The following PLD1 variants were observed in gnomAD, a reference collection of about 807,000 sequenced individuals.
The protein encoded by PLD1 is phospholipase D1.
In PLD1, 112 loss-of-function variants were observed where a neutral mutation model predicts 137.1. That is an observed-to-expected ratio of 0.82 (90% confidence interval 0.70 to 0.96). The LOEUF is 0.96. Among genes scored for constraint, PLD1 ranks in the 40% least tolerant of loss-of-function variants. The pLI is 0.00. For missense variants in PLD1, 1,321 were observed against 1,342.0 expected (o/e 0.98, Z 0.24); for synonymous variants, 431 against 454.7 (o/e 0.95, Z 0.66).
chr3:171,690,412 C>T (rs927432320), intron 13 of PLD1, among the ~76,000 whole-genome samples: 6 of 151,944 alleles, frequency 3.9e-5, no homozygotes, highest in African/African-American at 1.5e-4. Flanking sequence ...TGAGTTTGTT[C>T]TTCTTTTTCT....
At chr3:171,674,646 T>A in intron 18 of PLD1, 33 bp from the exon 19 acceptor site, 1 of 1,220,558 alleles carries the variant, frequency 8.2e-7, no homozygotes, top group East Asian at 2.4e-5. Flanking sequence ...AATATTCAAA[T>A]GAGAAAAAAG....
At chr3:171,802,069 A>G (rs1172858190) in intron 1 of PLD1, among the ~76,000 whole-genome samples, 1 of 152,236 alleles carries the variant, frequency 6.6e-6, no homozygotes, top group Non-Finnish European at 1.5e-5. Context: ...AAACAGCAAC[A>G]TCTGTGAGGT....
chr3:171,752,219 T>G (rs1216599515), intron 1 of PLD1, among the ~76,000 whole-genome samples: 1 of 152,208 alleles, frequency 6.6e-6, no homozygotes, highest in Non-Finnish European at 1.5e-5. Context: ...AGAACAATCC[T>G]GTTAGGTTGT....
rs539570105 is a variant in PLD1, at chr3:171,721,762, C to A, written c.758+2934G>T. 2.8e-4 allele frequency among the ~76,000 whole-genome samples: 42 copies of A among 151,310 alleles called. No homozygotes were observed. In the South Asian group the frequency reaches 8.6e-3, roughly 31 times the overall value. ...TATTTTAGTAAAACTTCTCTCCCAG[C>A]GACAGATCAAGACTCCATCTCAGAA... On this transcript the variant is annotated intron_variant, in intron 8 of 26. Transcript: ENST00000351298.
intron 11 of PLD1, among the ~76,000 whole-genome samples, chr3:171,705,771 T>C (rs933321773): frequency 2.0e-5 from 3 of 152,152 alleles, no homozygotes; most frequent in South Asian, 2.1e-4. Flanking sequence ...TGGTACAACT[T>C]TGGAAAACAC....
chr3:171,692,288 T>C (rs1715244762), intron 13 of PLD1, 44 bp downstream of exon 13: 2 of 930,834 alleles, frequency 2.1e-6, no homozygotes, highest in Admixed American at 1.8e-5. Context: ...AAAAATCCTA[T>C]AGAATAATAA....
At chr3:171,705,329 C>A (rs1012364026) in intron 11 of PLD1, among the ~76,000 whole-genome samples, 1 of 152,104 alleles carries the variant, frequency 6.6e-6, no homozygotes, top group Non-Finnish European at 1.5e-5. Context: ...ACAGGATAAA[C>A]CCAAACATCA....
intron 18 of PLD1, among the ~76,000 whole-genome samples, chr3:171,675,663 G>A (rs1713272902): frequency 6.6e-6 from 1 of 152,008 alleles, no homozygotes; most frequent in Non-Finnish European, 1.5e-5. Flanking sequence ...CTAAATTTTT[G>A]TTAAAAAATT....
chr3:171,753,959 C>T (rs1286849357), intron 1 of PLD1, among the ~76,000 whole-genome samples: 1 of 152,208 alleles, frequency 6.6e-6, no homozygotes, highest in African/African-American at 2.4e-5. Context: ...TGCAGCTTTG[C>T]GTTCCTCCAA....
chr3:171,650,414 C>A (rs1452497566), intron 21 of PLD1, among the ~76,000 whole-genome samples: 1 of 152,154 alleles, frequency 6.6e-6, no homozygotes, highest in Non-Finnish European at 1.5e-5. Flanking sequence ...AAGGTGAAGG[C>A]TGACGTCCCC....
At chr3:171,661,237 CG>C (rs1553811905) in intron 20 of PLD1, among the ~76,000 whole-genome samples, 1 of 151,922 alleles carries the variant, frequency 6.6e-6, no homozygotes, top group Non-Finnish European at 1.5e-5. Context: ...CTGTGCAGAG[CG>C]GGAGAGGGCC....
chr3:171,619,820 C>T (rs528346291), intron 24 of PLD1, among the ~76,000 whole-genome samples: 7 of 151,876 alleles, frequency 4.6e-5, no homozygotes, highest in African/African-American at 1.5e-4. Context: ...TGTGGTGGCT[C>T]GGGCCTGTAA....
chr3:171,708,967 T>G, intron 10 of PLD1, 129 bp from the exon 11 acceptor site: 3 of 611,728 alleles, frequency 4.9e-6, no homozygotes, highest in Admixed American at 2.9e-5. Flanking sequence ...CCATTGACTT[T>G]GTGGACCTGG....
At chr3:171,666,119 T>C (rs984210769) in intron 19 of PLD1, 1 of 152,298 alleles carries the variant, frequency 6.6e-6, no homozygotes, top group Admixed American at 6.5e-5. Context: ...ACTTAACTGC[T>C]TTAAATGCTT....
chr3:171,716,165 T>C (rs1257443103), intron 8 of PLD1, among the ~76,000 whole-genome samples: 2 of 152,176 alleles, frequency 1.3e-5, no homozygotes, highest in Non-Finnish European at 2.9e-5. Context: ...TGATTCCATG[T>C]CTTTGCTATT....
At chr3:171,619,238 T>A (rs1471953674) in intron 24 of PLD1, among the ~76,000 whole-genome samples, 1 of 152,192 alleles carries the variant, frequency 6.6e-6, no homozygotes, top group Non-Finnish European at 1.5e-5. Context: ...GGACTTCCAA[T>A]ACTCATTTTA....
chr3:171,804,678 T>C (rs1296132535), intron 1 of PLD1, among the ~76,000 whole-genome samples: 2 of 152,268 alleles, frequency 1.3e-5, no homozygotes, highest in Non-Finnish European at 2.9e-5. Context: ...TAGACTGTTA[T>C]GAAGATCCCA....
At chr3:171,734,731 AG>A in intron 5 of PLD1, 133 bp downstream of exon 5, 1 of 603,290 alleles carries the variant, frequency 1.7e-6, no homozygotes, top group Non-Finnish European at 3.0e-6. Context: ...GTTCCAGAAA[AG>A]CTAAACCAGC....
At chr3:171,621,820 T>G (rs1733662159) in intron 23 of PLD1, among the ~76,000 whole-genome samples, 1 of 152,206 alleles carries the variant, frequency 6.6e-6, no homozygotes, top group Non-Finnish European at 1.5e-5. Flanking sequence ...TTTTTAAGTC[T>G]TTTCTGATCC....
Sources: gnomAD v4.1 joint callset for allele counts (sites outside exome capture counted in the v4.1 genomes callset) on GRCh38, gnomAD v4.1.1 for gene constraint, MANE v1.5 for transcripts, NCBI Gene and HGNC (gene_info 2026-07-23, HGNC 2026-07-21) for gene names.